FREM2: variants seen among roughly 807,000 people sequenced by gnomAD.
FREM2 encodes FRAS1-related extracellular matrix protein 2.
FREM2 carries 119 observed loss-of-function variants against 219.9 expected under a neutral mutation model. That is an observed-to-expected ratio of 0.54 (90% CI 0.47 to 0.63). FREM2 has a LOEUF of 0.63. FREM2 is among the 30% of genes least tolerant of loss of function. FREM2 has a pLI of 0.00. For synonymous variants in FREM2, 1,562 were observed against 1,522.8 expected (o/e 1.03, Z -0.60); for missense variants, 4,030 against 3,993.6 (o/e 1.01, Z -0.25).
At chr13:38,784,831 A>C in intron 6 of FREM2, 23 bp downstream of exon 6, 2 of 1,613,064 alleles carry the variant, frequency 1.2e-6, no homozygotes. Flanking sequence ...TTACTTGAAA[A>C]TTCTTTTTCC....
intron 2 of FREM2, among the ~76,000 whole-genome samples, chr13:38,722,745 G>GT (rs78258671): frequency 0.19 from 26,675 of 139,828 alleles, 3,186 homozygotes; most frequent in South Asian, 0.39. Context: ...AGCTGGTAAC[G>GT]TTTTTTTTTT....
chr13:38,841,148 C>T (rs957098712), intron 6 of FREM2, among the ~76,000 whole-genome samples: 1 of 152,122 alleles, frequency 6.6e-6, no homozygotes, highest in African/African-American at 2.4e-5. Flanking sequence ...TAGTACACAC[C>T]TCAGTGGGTG....
chr13:38,848,350 G>A (rs1877238535), intron 7 of FREM2, 111 bp from the exon 8 acceptor site: 2 of 808,574 alleles, frequency 2.5e-6, no homozygotes, highest in South Asian at 1.4e-5. Context: ...GAGTTATGCT[G>A]GTCTCTATTT....
At chr13:38,835,268 C>T (rs1376756302) in intron 6 of FREM2, among the ~76,000 whole-genome samples, 9 of 152,012 alleles carry the variant, frequency 5.9e-5, no homozygotes, top group Admixed American at 3.9e-4. Context: ...AGATGTATGG[C>T]GTTACTTCTG....
At chr13:38,721,944 C>T (rs1226000601) in intron 2 of FREM2, among the ~76,000 whole-genome samples, 1 of 152,042 alleles carries the variant, frequency 6.6e-6, no homozygotes, top group Admixed American at 6.5e-5. Flanking sequence ...TATCAGAGTC[C>T]CTGGAGAGTT....
chr13:38,838,455 A>G (rs1300052246), intron 6 of FREM2, among the ~76,000 whole-genome samples: 1 of 152,064 alleles, frequency 6.6e-6, no homozygotes, highest in South Asian at 2.1e-4. Context: ...TGCTCTTTTC[A>G]AGGAGTATCT....
intron 6 of FREM2, among the ~76,000 whole-genome samples, chr13:38,797,461 A>T (rs9548457): frequency 0.66 from 100,491 of 151,524 alleles, 33,481 homozygotes; most frequent in Middle Eastern, 0.71. Context: ...GTATTTTTTT[A>T]AAAAATTGCT....
intron 2 of FREM2, among the ~76,000 whole-genome samples, chr13:38,763,905 T>C (rs1873334747): frequency 1.3e-5 from 2 of 152,210 alleles, no homozygotes; most frequent in African/African-American, 2.4e-5. Context: ...TGAAGTTGTG[T>C]GTGTGTTTTT....
intron 6 of FREM2, among the ~76,000 whole-genome samples, chr13:38,801,129 A>G (rs1874991520): frequency 6.6e-6 from 1 of 152,220 alleles, no homozygotes; most frequent in African/African-American, 2.4e-5. Flanking sequence ...TCTATTGTTG[A>G]AACTTGTGAA....
intron 16 of FREM2, among the ~76,000 whole-genome samples, chr13:38,871,865 A>G (rs1878170605): frequency 6.6e-6 from 1 of 152,200 alleles, no homozygotes. Flanking sequence ...GCTAAACACC[A>G]GAAGGAGGAA....
chr13:38,690,299 G>C lies in FREM2; in HGVS notation c.2955G>C (p.Leu985Phe). 1 of 1,614,198 alleles carries C rather than the reference G, an allele frequency of 6.2e-7. No homozygotes were observed. Among genetic ancestry groups the C allele is most frequent in the South Asian group, 1.1e-5 (1 of 91,080 alleles). The change falls in exon 1 of 24, where the codon TTG becomes TTC. Residue 985 changes from leucine (L) to phenylalanine (F), a missense_variant. Transcript: ENST00000280481. ...ATGACTTGATGTTGACTTTCCTCTT[G>C]GAAGATCCACCTTTGTATGGGGAAA... ...ETDDLMLTFL[L>F]EDPPLYGEIL...
chr13:38,716,759 C>T (rs937758430), intron 2 of FREM2, among the ~76,000 whole-genome samples: 1 of 152,198 alleles, frequency 6.6e-6, no homozygotes, highest in Non-Finnish European at 1.5e-5. Context: ...CCTCCCGCCT[C>T]GGCCTCCCAA....
chr13:38,704,025 G>A (rs1025270975), intron 2 of FREM2, among the ~76,000 whole-genome samples: 1 of 152,166 alleles, frequency 6.6e-6, no homozygotes. Context: ...GCTGGGAGAA[G>A]TGGGAAGTTA....
chr13:38,778,047 C>G (rs1280584606), intron 4 of FREM2, among the ~76,000 whole-genome samples: 1 of 152,172 alleles, frequency 6.6e-6, no homozygotes, highest in East Asian at 1.9e-4. Flanking sequence ...TAGGAAGAAT[C>G]AAAACTCAGG....
At chr13:38,785,392 G>C (rs148903183) in intron 6 of FREM2, among the ~76,000 whole-genome samples, 4 of 152,270 alleles carry the variant, frequency 2.6e-5, no homozygotes, top group Middle Eastern at 3.4e-3. Context: ...CCCAGTTCAA[G>C]AAACAGTTTG....
chr13:38,760,140 A>T (rs554245100), intron 2 of FREM2, among the ~76,000 whole-genome samples: 1 of 152,180 alleles, frequency 6.6e-6, no homozygotes, highest in Non-Finnish European at 1.5e-5. Flanking sequence ...CTAGTTAAGT[A>T]TCTGTTTCAT....
At chr13:38,726,394 G>C (rs1871525735) in intron 2 of FREM2, among the ~76,000 whole-genome samples, 1 of 152,192 alleles carries the variant, frequency 6.6e-6, no homozygotes, top group Non-Finnish European at 1.5e-5. Flanking sequence ...TGCTCTTAGA[G>C]AAGCAGCTTG....
chr13:38,877,507 TG>T (rs774460474), intron 21 of FREM2, among the ~76,000 whole-genome samples: 8 of 152,150 alleles, frequency 5.3e-5, no homozygotes, highest in South Asian at 2.1e-4. Context: ...TTTTCTCGAA[TG>T]TTTTTTTTCA....
chr13:38,808,513 A>T (rs4471556), intron 6 of FREM2, among the ~76,000 whole-genome samples: 109,331 of 151,630 alleles, frequency 0.72, 39,602 homozygotes, highest in African/African-American at 0.76. Context: ...TTCACTTGAA[A>T]ACTTAGAAGC....
Sources: gnomAD v4.1 joint callset for allele counts (sites outside exome capture counted in the v4.1 genomes callset) on GRCh38, gnomAD v4.1.1 for gene constraint, MANE v1.5 for transcripts, NCBI Gene and HGNC (gene_info 2026-07-23, HGNC 2026-07-21) for gene names.